Variants in SYT16 observed in about 807,000 individuals in gnomAD.
SYT16 encodes synaptotagmin-16.
Under a neutral mutation model 61.4 loss-of-function variants are expected in SYT16, and 42 were observed. That is an observed-to-expected ratio of 0.68 (90% CI 0.53 to 0.89). The LOEUF (loss-of-function observed/expected upper bound fraction) is 0.89. Ranked by LOEUF, SYT16 falls within the 40% of genes least tolerant of loss-of-function variation. The pLI is 0.00. For synonymous variants in SYT16, 314 were observed against 302.3 expected (o/e 1.04, Z -0.40); for missense variants, 804 against 807.3 (o/e 1.00, Z 0.05).
At chr14:61,852,519 A>G (rs529110711) in intron 1 of SYT16, among the ~76,000 whole-genome samples, 4 of 152,270 alleles carry the variant, frequency 2.6e-5, no homozygotes, top group Non-Finnish European at 5.9e-5. Context: ...CAGTATGGCC[A>G]TTTTCATGAT....
chr14:62,049,877 C>T (rs550731969), intron 3 of SYT16, among the ~76,000 whole-genome samples: 8 of 152,256 alleles, frequency 5.3e-5, no homozygotes, highest in Non-Finnish European at 1.0e-4. Context: ...GTGGGTAACC[C>T]GACCTTTCTC....
At chr14:62,033,080 G>A (rs917453966) in intron 3 of SYT16, among the ~76,000 whole-genome samples, 5 of 151,026 alleles carry the variant, frequency 3.3e-5, no homozygotes, top group African/African-American at 7.3e-5. Flanking sequence ...AATATTTCTC[G>A]GTAAATATTT....
intron 1 of SYT16, among the ~76,000 whole-genome samples, chr14:61,926,529 A>G (rs556185805): frequency 2.6e-5 from 4 of 152,272 alleles, no homozygotes; most frequent in African/African-American, 9.6e-5. Flanking sequence ...TAAGAGTGTA[A>G]AAATCATGTT....
chr14:62,046,630 A>G (rs991367851), intron 3 of SYT16, among the ~76,000 whole-genome samples: 7 of 152,214 alleles, frequency 4.6e-5, no homozygotes, highest in Non-Finnish European at 8.8e-5. Context: ...TAATTTTTAT[A>G]TAAGGTGTAA....
chr14:61,858,056 C>A (rs543348598), intron 1 of SYT16, among the ~76,000 whole-genome samples: 1 of 131,494 alleles, frequency 7.6e-6, no homozygotes, highest in African/African-American at 2.9e-5. Context: ...ACAGTATCCA[C>A]TTCACAGTGT....
intron 3 of SYT16, among the ~76,000 whole-genome samples, chr14:62,059,713 TTATA>T (rs1480399542): frequency 7.3e-6 from 1 of 136,222 alleles, no homozygotes; most frequent in Non-Finnish European, 1.5e-5. Context: ...CATATAATTT[TTATA>T]TATGTATAGC....
At chr14:62,016,555 A>C (rs1275660880) in intron 3 of SYT16, among the ~76,000 whole-genome samples, 2 of 149,410 alleles carry the variant, frequency 1.3e-5, no homozygotes, top group East Asian at 3.9e-4. Context: ...AAAAAAAAAA[A>C]AAAAAAAATT....
chr14:61,971,658 T>A (rs189822270), intron 2 of SYT16, among the ~76,000 whole-genome samples: 106 of 152,372 alleles, frequency 7.0e-4, no homozygotes, highest in African/African-American at 2.3e-3. Flanking sequence ...TTCTACTTTT[T>A]GAGGGGAAGA....
chr14:62,014,078 T>A (rs1442748859), intron 3 of SYT16, among the ~76,000 whole-genome samples: 1 of 152,160 alleles, frequency 6.6e-6, no homozygotes, highest in Non-Finnish European at 1.5e-5. Context: ...TCCTTTTCAT[T>A]CACCTTCCTT....
chr14:62,081,935 CA>C (rs1438244377), intron 6 of SYT16, among the ~76,000 whole-genome samples: 1 of 152,122 alleles, frequency 6.6e-6, no homozygotes, highest in Admixed American at 6.5e-5. Flanking sequence ...TGTTTACTGT[CA>C]ATTATGGTAT....
intron 1 of SYT16, among the ~76,000 whole-genome samples, chr14:61,863,800 G>T (rs1010449819): frequency 1.9e-4 from 29 of 151,534 alleles, no homozygotes; most frequent in African/African-American, 6.6e-4. Context: ...AGGGTGAAAT[G>T]TCTGTCTAGA....
intron 1 of SYT16, among the ~76,000 whole-genome samples, chr14:61,821,069 G>A (rs921274072): frequency 3.3e-5 from 5 of 151,962 alleles, no homozygotes; most frequent in African/African-American, 7.2e-5. Flanking sequence ...CACTATTCTT[G>A]GTATTTTGGC....
rs114119980 is a variant in SYT16, at chr14:61,946,427, G to A, written c.-324-23705G>A. 4.7e-3 allele frequency among the ~76,000 whole-genome samples: 710 copies of A among 152,244 alleles called. 3 individuals carry two copies. Among genetic ancestry groups the A allele is most frequent in the African/African-American group, 0.016 (673 of 41,516 alleles). On this transcript the variant is annotated intron_variant, in intron 1 of 7. Coordinates refer to ENST00000683842, the MANE Select transcript of SYT16 (RefSeq NM_001367656.1). ...ACTCCAAAAGGTGGGACGGTAGGAG[G>A]GGGGTGAGGGCTGAATAATGACCTA...
chr14:61,920,493 C>G (rs2049289414), intron 1 of SYT16, among the ~76,000 whole-genome samples: 1 of 152,112 alleles, frequency 6.6e-6, no homozygotes. Context: ...TTTCTGTCCT[C>G]TCTCTCTTCT....
chr14:61,919,936 A>G (rs1179983695), intron 1 of SYT16, among the ~76,000 whole-genome samples: 1 of 15,706 alleles, frequency 6.4e-5, no homozygotes, highest in Admixed American at 6.6e-4. Context: ...AGTCATCTCA[A>G]ATCCTTGATA....
intron 3 of SYT16, among the ~76,000 whole-genome samples, chr14:62,025,736 G>A (rs948957483): frequency 2.6e-5 from 4 of 151,808 alleles, no homozygotes; most frequent in Non-Finnish European, 5.9e-5. Context: ...ATTTTGGGGG[G>A]TGCTAATGTA....
At chr14:61,919,035 CTT>C in intron 1 of SYT16, among the ~76,000 whole-genome samples, 1 of 152,274 alleles carries the variant, frequency 6.6e-6, no homozygotes, top group East Asian at 1.9e-4. Context: ...GTTCCTGACT[CTT>C]TTTTAACCTG....
intron 3 of SYT16, among the ~76,000 whole-genome samples, chr14:62,068,267 C>A (rs2056145787): frequency 6.6e-6 from 1 of 151,874 alleles, no homozygotes; most frequent in Admixed American, 6.6e-5. Flanking sequence ...CTGCCATTTG[C>A]CCTAACATGA....
At chr14:61,812,234 C>G (rs1053528563), upstream of SYT16, 3 of 152,384 alleles carry the variant, frequency 2.0e-5, no homozygotes, top group African/African-American at 7.2e-5. Context: ...GGATTAATGC[C>G]CAGCACCTGG....
Sources: gnomAD v4.1 joint callset for allele counts (sites outside exome capture counted in the v4.1 genomes callset) on GRCh38, gnomAD v4.1.1 for gene constraint, MANE v1.5 for transcripts, NCBI Gene and HGNC (gene_info 2026-07-23, HGNC 2026-07-21) for gene names.